The following PATJ variants were observed in gnomAD, a reference collection of about 807,000 sequenced individuals.
PATJ encodes PATJ crumbs cell polarity complex component, also known as inaD-like protein.
A neutral mutation model predicts 224.9 loss-of-function variants in PATJ; 190 were observed. That is an observed-to-expected ratio of 0.84 (90% CI 0.75 to 0.95). The LOEUF (loss-of-function observed/expected upper bound fraction) is 0.95. Among genes scored for constraint, PATJ ranks in the 40% least tolerant of loss-of-function variants. PATJ has a pLI of 0.00. For synonymous variants in PATJ, 769 were observed against 820.3 expected (o/e 0.94, Z 1.07); for missense variants, 2,121 against 2,270.3 (o/e 0.93, Z 1.34).
chr1:62,025,193 C>CT (rs1647624697), intron 29 of PATJ, among the ~76,000 whole-genome samples: 1 of 152,200 alleles, frequency 6.6e-6, no homozygotes, highest in Admixed American at 6.5e-5. Context: ...CTTCCTGTCA[C>CT]TTGTAAGCTT....
chr1:61,996,988 C>T (rs912937577), intron 28 of PATJ, among the ~76,000 whole-genome samples: 3 of 151,856 alleles, frequency 2.0e-5, no homozygotes, highest in Middle Eastern at 3.2e-3. Flanking sequence ...GTGATCTGCC[C>T]GCCTTGGCCT....
chr1:61,976,952 T>C (rs1193638426), intron 27 of PATJ, among the ~76,000 whole-genome samples: 2 of 152,118 alleles, frequency 1.3e-5, no homozygotes, highest in African/African-American at 2.4e-5. Flanking sequence ...ATACCATTAA[T>C]TTTCCTAACA....
intron 41 of PATJ, among the ~76,000 whole-genome samples, chr1:62,136,130 C>CAATT (rs1483290590): frequency 7.2e-6 from 1 of 138,410 alleles, no homozygotes; most frequent in East Asian, 2.3e-4. Context: ...TGGGTTTAAG[C>CAATT]AATTCTCCTG....
At chr1:62,090,723 G>A (rs901035252) in intron 33 of PATJ, among the ~76,000 whole-genome samples, 2 of 152,088 alleles carry the variant, frequency 1.3e-5, no homozygotes, top group Admixed American at 1.3e-4. Context: ...TGTTGAATTT[G>A]CATGAAATCC....
At chr1:62,011,648 C>T (rs895982025) in intron 28 of PATJ, among the ~76,000 whole-genome samples, 1 of 150,784 alleles carries the variant, frequency 6.6e-6, no homozygotes. Context: ...GACAGGAAGT[C>T]AGCACATGCC....
chr1:61,939,402 A>G (rs961062539), intron 27 of PATJ, among the ~76,000 whole-genome samples: 7 of 151,776 alleles, frequency 4.6e-5, no homozygotes, highest in African/African-American at 1.7e-4. Flanking sequence ...GACAATAGAA[A>G]AACAAGCAAA....
chr1:61,959,404 T>G (rs1680899178), intron 27 of PATJ, among the ~76,000 whole-genome samples: 1 of 138,966 alleles, frequency 7.2e-6, no homozygotes, highest in Non-Finnish European at 1.5e-5. Context: ...ACTGCCTATA[T>G]ATATATTATA....
chr1:61,869,164 T>G (rs901093507), intron 20 of PATJ, among the ~76,000 whole-genome samples: 1 of 141,764 alleles, frequency 7.1e-6, no homozygotes, highest in Admixed American at 7.0e-5. Context: ...TGGAGTGCAG[T>G]GGCGCCATCT....
At chr1:62,098,740 A>C (rs533056682) in intron 33 of PATJ, among the ~76,000 whole-genome samples, 27 of 152,202 alleles carry the variant, frequency 1.8e-4, no homozygotes, top group Admixed American at 6.5e-4. Flanking sequence ...CTTTTCTTTC[A>C]CAGACTACTG....
chr1:61,981,532 C>A (rs1006142899), intron 27 of PATJ, among the ~76,000 whole-genome samples: 1 of 151,816 alleles, frequency 6.6e-6, no homozygotes, highest in Admixed American at 6.6e-5. Context: ...AACACAGGAG[C>A]CTTCAGAAAG....
At chr1:61,761,009 C>T (rs937889208) in intron 1 of PATJ, among the ~76,000 whole-genome samples, 1 of 148,250 alleles carries the variant, frequency 6.7e-6, no homozygotes, top group Non-Finnish European at 1.5e-5. Flanking sequence ...GATGGGGTCT[C>T]CCTTTGTCAC....
intron 41 of PATJ, among the ~76,000 whole-genome samples, chr1:62,134,065 C>T (rs1424896013): frequency 6.6e-6 from 1 of 151,772 alleles, no homozygotes; most frequent in East Asian, 1.9e-4. Flanking sequence ...TTTCTTCTAA[C>T]AAGCTCCTAG....
In PATJ at chr1:62,047,052, A is replaced by C. The variant is rs555563246; in HGVS notation, c.4033-3914A>C. Among the ~76,000 whole-genome samples the C allele has an allele frequency of 2.1e-3, 315 of 152,326 alleles. 1 individual carries two copies. Among genetic ancestry groups the C allele is most frequent in the Non-Finnish European group, 3.7e-3 (254 of 68,030 alleles). ...CAATATGCATATTGCTGAGAAATGTAAAAGTAAAGGTTCCTCTAATTTATT... is the reference window on the plus strand; with the variant it reads ...CAATATGCATATTGCTGAGAAATGTCAAAGTAAAGGTTCCTCTAATTTATT... On this transcript the variant is annotated intron_variant, in intron 30 of 43. Transcript: ENST00000642238.
intron 27 of PATJ, among the ~76,000 whole-genome samples, chr1:61,965,812 A>G (rs1251610186): frequency 6.6e-6 from 1 of 152,218 alleles, no homozygotes; most frequent in Non-Finnish European, 1.5e-5. Context: ...TTGTACTAGG[A>G]GAGTTTGAGA....
At chr1:62,074,369 T>TA (rs59042999) in intron 31 of PATJ, among the ~76,000 whole-genome samples, 54 of 150,034 alleles carry the variant, frequency 3.6e-4, no homozygotes, top group East Asian at 2.9e-3. Flanking sequence ...ATAATAAAAT[T>TA]AAAAAAAAAA....
chr1:61,765,476 G>A lies in PATJ; in HGVS notation c.190-803G>A, dbSNP rs544782120. 6.8e-4 allele frequency among the ~76,000 whole-genome samples: 103 copies of A among 151,512 alleles called. 1 individual carries two copies. Among genetic ancestry groups the A allele is most frequent in the Middle Eastern group, 6.8e-3 (2 of 294 alleles). On this transcript the variant is annotated intron_variant, in intron 3 of 43. Transcript: ENST00000642238. ...TCGGCTCACTGTAGCCTCCACCTGC[G>A]GGATTCAAGCAATTCTCTTGCCTCA...
At chr1:62,156,053 G>GT (rs1553284955) in intron 43 of PATJ, among the ~76,000 whole-genome samples, 5 of 18,972 alleles carry the variant, frequency 2.6e-4, no homozygotes, top group African/African-American at 7.1e-4. Flanking sequence ...GCAAGACTCT[G>GT]TAAAAAAAAA....
At chr1:61,975,002 T>G (rs1430636103) in intron 27 of PATJ, among the ~76,000 whole-genome samples, 1 of 152,034 alleles carries the variant, frequency 6.6e-6, no homozygotes, top group Non-Finnish European at 1.5e-5. Context: ...TGGAGTGCAG[T>G]GGCATAATCT....
At chr1:61,751,577 G>A (rs1645331421) in intron 1 of PATJ, among the ~76,000 whole-genome samples, 1 of 151,996 alleles carries the variant, frequency 6.6e-6, no homozygotes, top group Admixed American at 6.6e-5. Flanking sequence ...TGTAATCCCA[G>A]CACTTTGGGA....
Sources: gnomAD v4.1 joint callset for allele counts (sites outside exome capture counted in the v4.1 genomes callset) on GRCh38, gnomAD v4.1.1 for gene constraint, MANE v1.5 for transcripts, NCBI Gene and HGNC (gene_info 2026-07-23, HGNC 2026-07-21) for gene names.